OPA1: variants seen among roughly 807,000 people sequenced by gnomAD.
OPA1 encodes dynamin-like GTPase OPA1, mitochondrial.
In OPA1, 59 loss-of-function variants were observed where a neutral mutation model predicts 152.9. The ratio of observed to expected loss-of-function variants is 0.39; its 90% CI spans 0.31 to 0.48. The LOEUF (loss-of-function observed/expected upper bound fraction) is 0.48, where lower values mean the gene tolerates loss of function less well. Ranked by LOEUF, OPA1 falls within the 20% of genes least tolerant of loss-of-function variation. The pLI is 0.96. For missense variants in OPA1, 1,008 were observed against 1,216.8 expected (o/e 0.83, Z 2.55); for synonymous variants, 400 against 389.9 (o/e 1.03, Z -0.31).
chr3:193,608,942 C>T (rs936014368), intron 1 of OPA1, among the ~76,000 whole-genome samples: 3 of 152,082 alleles, frequency 2.0e-5, no homozygotes, highest in Non-Finnish European at 4.4e-5. Flanking sequence ...GAATTGATCC[C>T]TTTACCATTA....
rs1722179324 is a variant in OPA1, at chr3:193,695,530, G to GTAATGTTGACCATCCC, written c.*931_*946dup. ...AATAGAAATTATTTCAACAATTAAA[G>GTAATGTTGACCATCCC]TAATGTTGACCATCCCCCTCTCAGC... On this transcript the variant is annotated 3_prime_UTR_variant, in exon 31 of 31. Coordinates refer to ENST00000361510, the MANE Select transcript of OPA1 (RefSeq NM_130837.3). 6.6e-6 allele frequency: 1 copy of GTAATGTTGACCATCCC among 152,050 alleles called. No individual in the cohort carries two copies. The highest frequency in any genetic ancestry group is 1.5e-5 in the Non-Finnish European group (1 of 67,998). The allele number at this position is 152,050 out of a possible 1,614,324, so 9.4% of individuals were successfully genotyped here.
At chr3:193,678,290 A>G (rs1719518548) in intron 29 of OPA1, among the ~76,000 whole-genome samples, 1 of 151,508 alleles carries the variant, frequency 6.6e-6, no homozygotes, top group African/African-American at 2.4e-5. Flanking sequence ...GATCTTTACC[A>G]AAGTACACTA....
intron 4 of OPA1, 129 bp from the exon 5 acceptor site, chr3:193,617,655 G>C (rs1004748886): frequency 2.7e-6 from 2 of 751,026 alleles, no homozygotes; most frequent in African/African-American, 3.5e-5. Context: ...CATTTATTAA[G>C]TTTAATCCTG....
At chr3:193,598,781 T>C (rs1001291289) in intron 1 of OPA1, among the ~76,000 whole-genome samples, 2 of 152,216 alleles carry the variant, frequency 1.3e-5, no homozygotes, top group Non-Finnish European at 2.9e-5. Context: ...ATTAAGAAAC[T>C]AAGGCTTTAG....
intron 1 of OPA1, among the ~76,000 whole-genome samples, chr3:193,598,006 A>G (rs1725877783): frequency 6.6e-6 from 1 of 152,168 alleles, no homozygotes; most frequent in South Asian, 2.1e-4. Flanking sequence ...ACTTGAGCCC[A>G]GATACGTGGG....
intron 5 of OPA1, 79 bp downstream of exon 5, chr3:193,617,916 G>T: frequency 1.0e-6 from 1 of 997,608 alleles, no homozygotes; most frequent in Non-Finnish European, 1.6e-6. Flanking sequence ...TAAAATTGCA[G>T]ACCAAATTTA....
intron 7 of OPA1, among the ~76,000 whole-genome samples, chr3:193,630,185 G>T (rs1394419604): frequency 1.3e-5 from 2 of 152,054 alleles, no homozygotes; most frequent in Non-Finnish European, 2.9e-5. Context: ...CAGTTTAGGC[G>T]ACTGTTTATA....
At chr3:193,649,815 G>A (rs1476905022) in intron 21 of OPA1, among the ~76,000 whole-genome samples, 4 of 152,064 alleles carry the variant, frequency 2.6e-5, no homozygotes, top group African/African-American at 7.2e-5. Flanking sequence ...AGATCTAATT[G>A]TATCTATTCT....
At chr3:193,635,182 G>A (rs1179524333) in intron 8 of OPA1, among the ~76,000 whole-genome samples, 1 of 152,102 alleles carries the variant, frequency 6.6e-6, no homozygotes, top group African/African-American at 2.4e-5. Context: ...GAGTAGCAAG[G>A]AATTTTCCAA....
chr3:193,604,863 A>C (rs1452192202), intron 1 of OPA1, among the ~76,000 whole-genome samples: 1 of 100,026 alleles, frequency 1.0e-5, no homozygotes, highest in African/African-American at 2.9e-5. Flanking sequence ...TCCATCTCAA[A>C]AAAAAAAAAA....
intron 27 of OPA1, 107 bp from the exon 28 acceptor site, chr3:193,666,188 CT>C (rs1318323921): frequency 2.2e-6 from 2 of 919,834 alleles, no homozygotes; most frequent in Non-Finnish European, 3.5e-6. Context: ...AATCTGAGTA[CT>C]TTTTAAGCTT....
intron 26 of OPA1, 45 bp from the exon 27 acceptor site, chr3:193,664,835 T>C (rs1309191152): frequency 9.8e-7 from 1 of 1,024,580 alleles, no homozygotes; most frequent in South Asian, 1.3e-5. Context: ...TTGATCAACA[T>C]GAAGAATATA....
intron 1 of OPA1, among the ~76,000 whole-genome samples, chr3:193,612,397 G>GTA (rs915569624): frequency 1.3e-5 from 2 of 150,386 alleles, no homozygotes; most frequent in Non-Finnish European, 2.9e-5. Flanking sequence ...ATCAGTCAAA[G>GTA]TACAGTCCTC....
intron 1 of OPA1, among the ~76,000 whole-genome samples, chr3:193,603,109 A>G (rs1013326277): frequency 6.6e-6 from 1 of 152,124 alleles, no homozygotes; most frequent in African/African-American, 2.4e-5. Context: ...CAGAATAGTC[A>G]CCCCACCAGT....
intron 10 of OPA1, 74 bp downstream of exon 10, chr3:193,637,355 T>A: frequency 1.1e-6 from 1 of 889,734 alleles, no homozygotes; most frequent in Non-Finnish European, 1.9e-6. Flanking sequence ...AAATTATGTG[T>A]ATATATGTAC....
intron 29 of OPA1, among the ~76,000 whole-genome samples, chr3:193,679,226 G>A (rs1037596146): frequency 1.3e-5 from 2 of 151,664 alleles, no homozygotes; most frequent in African/African-American, 4.8e-5. Flanking sequence ...TCTGCACATA[G>A]AGCCCGCTTT....
intron 29 of OPA1, among the ~76,000 whole-genome samples, chr3:193,669,212 A>C (rs1717372241): frequency 6.6e-6 from 1 of 152,136 alleles, no homozygotes; most frequent in African/African-American, 2.4e-5. Flanking sequence ...CAGCATGCTC[A>C]CCCCTTGCCA....
chr3:193,601,453 AG>A, intron 1 of OPA1, among the ~76,000 whole-genome samples: 1 of 152,184 alleles, frequency 6.6e-6, no homozygotes, highest in Non-Finnish European at 1.5e-5. Context: ...GACCCAATAG[AG>A]ACCCTCAGGG....
At chr3:193,668,361 A>T in intron 29 of OPA1, 1 of 1,551,462 alleles carries the variant, frequency 6.4e-7, no homozygotes, top group Non-Finnish European at 8.7e-7. Context: ...ACACCAGGCC[A>T]CCACATGGCG....
Sources: allele counts gnomAD v4.1 joint callset (sites outside exome capture counted in the v4.1 genomes callset), GRCh38; gene constraint gnomAD v4.1.1; transcripts MANE v1.5; gene names NCBI Gene and HGNC (gene_info 2026-07-23, HGNC 2026-07-21).